The following GSK3B variants were observed in gnomAD, a reference collection of about 807,000 sequenced individuals.
The protein encoded by GSK3B is glycogen synthase kinase-3 beta.
A neutral mutation model predicts 56.4 loss-of-function variants in GSK3B; 15 were observed. The observed-to-expected ratio is 0.27, with a 90% CI of 0.18 to 0.41. The LOEUF is 0.41. Ranked by LOEUF, GSK3B falls within the 10% of genes least tolerant of loss-of-function variation. GSK3B has a pLI of 1.00. For missense variants in GSK3B, 300 were observed against 513.4 expected, an observed-to-expected ratio of 0.58 and a Z score of 4.02; for synonymous variants, 181 against 188.9, an observed-to-expected ratio of 0.96 and a Z score of 0.34.
intron 2 of GSK3B, among the ~76,000 whole-genome samples, chr3:119,974,869 T>A (rs529179897): frequency 1.3e-5 from 2 of 152,160 alleles, no homozygotes; most frequent in African/African-American, 4.8e-5. Context: ...CACTCACTCA[T>A]TGCTGGTGGG....
At chr3:119,917,670 T>TA (rs2056795083) in intron 4 of GSK3B, among the ~76,000 whole-genome samples, 2 of 146,546 alleles carry the variant, frequency 1.4e-5, no homozygotes, top group South Asian at 2.2e-4. Context: ...TTTTTTTTTT[T>TA]TAAAAAAAAA....
intron 10 of GSK3B, among the ~76,000 whole-genome samples, chr3:119,833,945 G>A (rs1040465779): frequency 2.6e-5 from 4 of 151,950 alleles, no homozygotes; most frequent in Non-Finnish European, 4.4e-5. Flanking sequence ...TAATCTGACC[G>A]CCTCCACCTC....
At chr3:119,956,386 T>C (rs2057215233) in intron 2 of GSK3B, among the ~76,000 whole-genome samples, 2 of 152,216 alleles carry the variant, frequency 1.3e-5, no homozygotes. Flanking sequence ...ACAGGTTGAA[T>C]ACACATTATC....
At chr3:119,899,896 A>T (rs1167760903) in intron 7 of GSK3B, among the ~76,000 whole-genome samples, 2 of 152,104 alleles carry the variant, frequency 1.3e-5, no homozygotes, top group East Asian at 3.9e-4. Context: ...ATCATAAGAA[A>T]TGAAGCCCGC....
At chr3:119,940,143 G>C (rs1275516685) in intron 3 of GSK3B, among the ~76,000 whole-genome samples, 2 of 150,244 alleles carry the variant, frequency 1.3e-5, no homozygotes, top group African/African-American at 2.5e-5. Context: ...TATACACATG[G>C]TGTATATAAC....
chr3:119,941,502 T>C (rs978831529), intron 3 of GSK3B, among the ~76,000 whole-genome samples: 1 of 152,212 alleles, frequency 6.6e-6, no homozygotes, highest in African/African-American at 2.4e-5. Flanking sequence ...ATTTAGTAGT[T>C]GTATGGTAAC....
chr3:120,040,909 T>C (rs1405849301), intron 1 of GSK3B, among the ~76,000 whole-genome samples: 1 of 151,764 alleles, frequency 6.6e-6, no homozygotes, highest in Non-Finnish European at 1.5e-5. Context: ...ATTCTCACTC[T>C]TGGGAATCAA....
rs539708992 is a variant in GSK3B, at chr3:120,088,089, T to G, written c.88+5258A>C. 5.3e-5 allele frequency among the ~76,000 whole-genome samples: 8 copies of G among 152,262 alleles called. No individual in the cohort carries two copies. In the South Asian group the frequency reaches 1.7e-3, roughly 32 times the overall value. On this transcript the variant is annotated intron_variant, in intron 1 of 10. Coordinates refer to ENST00000264235, the MANE Select transcript of GSK3B (RefSeq NM_001146156.2). ...TTGTATTTTTAGTAGAGACGGGGTT[T>G]CCCCACGTTGGCCAGGATGGTCTTG...
At chr3:119,930,332 A>C (rs1307149039) in intron 3 of GSK3B, among the ~76,000 whole-genome samples, 1 of 152,122 alleles carries the variant, frequency 6.6e-6, no homozygotes, top group African/African-American at 2.4e-5. Flanking sequence ...TGTGAAGCCA[A>C]ATTGTGTAAC....
chr3:119,941,015 T>C (rs1196098162), intron 3 of GSK3B, among the ~76,000 whole-genome samples: 1 of 77,794 alleles, frequency 1.3e-5, no homozygotes, highest in East Asian at 2.5e-4. Flanking sequence ...TTACTACTAA[T>C]TTTTTTTTTT....
At chr3:119,920,301 A>G (rs985735096) in intron 4 of GSK3B, among the ~76,000 whole-genome samples, 2 of 152,168 alleles carry the variant, frequency 1.3e-5, no homozygotes, top group African/African-American at 4.8e-5. Context: ...GTGCAGTGGC[A>G]TGATCTTGGC....
intron 9 of GSK3B, among the ~76,000 whole-genome samples, chr3:119,852,757 C>G (rs1453093796): frequency 6.6e-6 from 1 of 152,164 alleles, no homozygotes; most frequent in African/African-American, 2.4e-5. Context: ...GCTCTTCACC[C>G]ACTTTTTGAT....
chr3:120,067,626 T>A (rs2058291432), intron 1 of GSK3B, among the ~76,000 whole-genome samples: 1 of 152,180 alleles, frequency 6.6e-6, no homozygotes, highest in Admixed American at 6.5e-5. Context: ...GAATTCGGGA[T>A]CACCTGTATT....
intron 8 of GSK3B, among the ~76,000 whole-genome samples, chr3:119,873,050 C>T (rs2056268011): frequency 6.6e-6 from 1 of 152,118 alleles, no homozygotes; most frequent in Admixed American, 6.6e-5. Context: ...TCTTCATCCC[C>T]TCACCTCCAA....
chr3:120,040,912 G>A (rs533401523), intron 1 of GSK3B, among the ~76,000 whole-genome samples: 3 of 151,078 alleles, frequency 2.0e-5, no homozygotes, highest in African/African-American at 7.3e-5. Context: ...CTCACTCTTG[G>A]GAATCAACAC....
Position 119,823,424 on chromosome 3 carries a change from T to C in GSK3B, c.*3364A>G, listed in dbSNP as rs1035081716. 2.5e-5 allele frequency: 5 copies of C among 198,416 alleles called. No individual in the cohort carries two copies. Among genetic ancestry groups the C allele is most frequent in the African/African-American group, 1.2e-4 (5 of 43,416 alleles). The allele number at this position is 198,416 out of a possible 1,614,324, so 12.3% of individuals were successfully genotyped here. On this transcript the variant is annotated 3_prime_UTR_variant, in exon 11 of 11. Transcript: ENST00000264235. ...ATTGCACTATAGCATTTTAGACCAC[T>C]GACGTATCAAAACCTGATACTATTA...
rs1448435429 is a variant in GSK3B, at chr3:119,822,233, CCA to C, written c.*4553_*4554del. The C allele has an allele frequency of 5.7e-6, 1 of 175,404 alleles. No individual in the cohort carries two copies. The highest frequency in any genetic ancestry group is 1.2e-5 in the Non-Finnish European group (1 of 83,716). 10.9% of individuals were successfully genotyped at this position (175,404 alleles called of 1,614,324 possible). A position where few individuals can be genotyped will look rare whatever the true frequency, so the allele number is the denominator to read the frequency against. ...GTGTTTGCAATAGTTTGTATACAAC[CCA>C]CAGTCCTTTATATATATATATATAT... On this transcript the variant is annotated 3_prime_UTR_variant, in exon 11 of 11. Transcript: ENST00000264235.
intron 1 of GSK3B, among the ~76,000 whole-genome samples, chr3:120,089,097 A>AGCGT (rs1354813035): frequency 6.6e-6 from 1 of 152,238 alleles, no homozygotes; most frequent in Admixed American, 6.5e-5. Flanking sequence ...TACACAGTAA[A>AGCGT]GCGTGCAAGT....
rs1262281777 is a variant in GSK3B at position 119,954,222 on chromosome 3, G to GAGAATAGAATAGAATAGAATAGAAT, written c.283-6896_283-6872dup. ...CAGCACTGAGAAGGAAGTGTGGAAGGAGAATAGAATAGAATAGAATAGAAT... is the reference window on the plus strand; with the variant it reads ...CAGCACTGAGAAGGAAGTGTGGAAGGAGAATAGAATAGAATAGAATAGAATAGAATAGAATAGAATAGAATAGAAT... On this transcript the variant is annotated intron_variant, in intron 2 of 10. Transcript: ENST00000264235. Among the ~76,000 whole-genome samples the GAGAATAGAATAGAATAGAATAGAAT allele has an allele frequency of 4.5e-4, 46 of 101,446 alleles. 1 individual carries two copies. The highest frequency in any genetic ancestry group is 1.3e-3 in the East Asian group (4 of 3,098). The allele number at this position is 101,446 out of a possible 152,430, so 66.6% of individuals were successfully genotyped here. A position where few individuals can be genotyped will look rare whatever the true frequency, so the allele number is the denominator to read the frequency against.
Sources: gnomAD v4.1 joint callset for allele counts (sites outside exome capture counted in the v4.1 genomes callset) on GRCh38, gnomAD v4.1.1 for gene constraint, MANE v1.5 for transcripts, NCBI Gene and HGNC (gene_info 2026-07-23, HGNC 2026-07-21) for gene names.